The following GFRAL variants were observed in gnomAD, a reference collection of about 807,000 sequenced individuals.
GFRAL encodes the protein GDNF family receptor alpha-like.
Under a neutral mutation model 45.4 loss-of-function variants are expected in GFRAL, and 36 were observed. The observed-to-expected ratio is 0.79, with a 90% confidence interval of 0.61 to 1.05. The LOEUF (loss-of-function observed/expected upper bound fraction) is 1.05. GFRAL is among the 50% of genes least tolerant of loss of function. The probability of loss-of-function intolerance (pLI) is 0.00; values close to 1 mark genes in which losing one functional copy is unlikely to be tolerated. For synonymous variants in GFRAL, 166 were observed against 154.1 expected, an observed-to-expected ratio of 1.08 and a Z score of -0.57; for missense variants, 507 against 467.5, an observed-to-expected ratio of 1.08 and a Z score of -0.78.
At chr6:55,369,027 G>A (rs1023185790) in intron 6 of GFRAL, among the ~76,000 whole-genome samples, 3 of 151,890 alleles carry the variant, frequency 2.0e-5, no homozygotes, top group African/African-American at 4.8e-5. Flanking sequence ...AATGGCGGGC[G>A]CCCCTACCCC....
At chr6:55,395,175 A>AAAAAAAATATATAT in intron 6 of GFRAL, among the ~76,000 whole-genome samples, 15 of 123,510 alleles carry the variant, frequency 1.2e-4, no homozygotes, top group African/African-American at 4.8e-4. Flanking sequence ...AAAAAAAAAA[A>AAAAAAAATATATAT]ATATATATAT....
chr6:55,349,959 A>T (rs113056008), intron 3 of GFRAL, 133 bp from the exon 4 acceptor site: 6 of 659,150 alleles, frequency 9.1e-6, no homozygotes, highest in Non-Finnish European at 1.4e-5. Context: ...GGCTAAATAC[A>T]TGTTACATAA....
rs7751535 is a variant in GFRAL, at chr6:55,346,988, C to T, written c.317-3104C>T. Among the ~76,000 whole-genome samples the T allele has an allele frequency of 6.3e-3, 951 of 152,064 alleles. 9 individuals carry two copies. The highest frequency in any genetic ancestry group is 0.022 in the African/African-American group (916 of 41,472). ...GATGCTAGTTAAGTTGATAGTGTGA[C>T]TTTTCTGTGAGAAAACAAAACAGTA... is the stretch of plus-strand genomic sequence containing the variant. On this transcript the variant is annotated intron_variant, in intron 3 of 8. Coordinates refer to ENST00000340465, the MANE Select transcript of GFRAL (RefSeq NM_207410.2).
At chr6:55,348,035 T>G (rs6900362) in intron 3 of GFRAL, among the ~76,000 whole-genome samples, 73,902 of 151,980 alleles carry the variant, frequency 0.49, 19,377 homozygotes, top group Non-Finnish European at 0.61. Context: ...AAAGAAGATG[T>G]ATGGAAGTAC....
chr6:55,396,632 A>T (rs1768828299), intron 6 of GFRAL, among the ~76,000 whole-genome samples: 1 of 152,100 alleles, frequency 6.6e-6, no homozygotes. Flanking sequence ...TTAAATACAC[A>T]ATTTTATTGT....
At chr6:55,364,777 T>C (rs1768335374) in intron 6 of GFRAL, among the ~76,000 whole-genome samples, 1 of 151,840 alleles carries the variant, frequency 6.6e-6, no homozygotes. Flanking sequence ...CTGAGGGCTC[T>C]GTTCTGTTCC....
At chr6:55,337,280 C>T (rs927333201) in intron 3 of GFRAL, among the ~76,000 whole-genome samples, 2 of 152,042 alleles carry the variant, frequency 1.3e-5, no homozygotes, top group South Asian at 4.1e-4. Flanking sequence ...TCTGTTCAAT[C>T]ATGGTGTATT....
At chr6:55,389,926 G>T (rs77583381) in intron 6 of GFRAL, among the ~76,000 whole-genome samples, 2 of 152,226 alleles carry the variant, frequency 1.3e-5, no homozygotes, top group Admixed American at 1.3e-4. Flanking sequence ...TCTCAGTAGA[G>T]ATAATGATGC....
At chr6:55,384,473 C>CTG (rs1768654512) in intron 6 of GFRAL, among the ~76,000 whole-genome samples, 1 of 150,624 alleles carries the variant, frequency 6.6e-6, no homozygotes, top group Non-Finnish European at 1.5e-5. Context: ...CACAATTCTA[C>CTG]TGTTTACATT....
intron 6 of GFRAL, among the ~76,000 whole-genome samples, chr6:55,368,194 A>G (rs1768392942): frequency 6.6e-6 from 1 of 151,506 alleles, no homozygotes; most frequent in Non-Finnish European, 1.5e-5. Flanking sequence ...CATTCATTTC[A>G]TCTTCCATCG....
intron 6 of GFRAL, among the ~76,000 whole-genome samples, chr6:55,368,816 C>G (rs998674423): frequency 6.6e-6 from 1 of 152,188 alleles, no homozygotes; most frequent in Admixed American, 6.5e-5. Context: ...TCTGCAGCTG[C>G]GTGCTGGGGG....
At chr6:55,373,044 C>G (rs11969679) in intron 6 of GFRAL, among the ~76,000 whole-genome samples, 17,870 of 151,568 alleles carry the variant, frequency 0.12, 1,629 homozygotes, top group East Asian at 0.36. Flanking sequence ...ACACCCAAAC[C>G]CCCACTATAA....
intron 6 of GFRAL, among the ~76,000 whole-genome samples, chr6:55,364,291 T>C (rs1768323419): frequency 2.6e-5 from 4 of 151,422 alleles, no homozygotes; most frequent in African/African-American, 7.3e-5. Context: ...GATTGTTTGT[T>C]TTTTTCTTGT....
At chr6:55,348,584 T>C (rs983020709) in intron 3 of GFRAL, among the ~76,000 whole-genome samples, 1 of 152,100 alleles carries the variant, frequency 6.6e-6, no homozygotes, top group Non-Finnish European at 1.5e-5. Flanking sequence ...AGCTTGTAGA[T>C]AGCCAGCCAC....
intron 5 of GFRAL, among the ~76,000 whole-genome samples, chr6:55,353,277 A>G (rs1371385743): frequency 2.0e-5 from 3 of 152,068 alleles, no homozygotes; most frequent in Non-Finnish European, 4.4e-5. Flanking sequence ...AATGATATCA[A>G]CTTCCTGAAG....
intron 6 of GFRAL, among the ~76,000 whole-genome samples, chr6:55,368,702 T>A (rs9464239): frequency 0.19 from 28,585 of 151,954 alleles, 3,049 homozygotes; most frequent in African/African-American, 0.3. Context: ...TACCCTGCCC[T>A]GTGAGGTGTC....
At chr6:55,382,833 A>C (rs1768628685) in intron 6 of GFRAL, among the ~76,000 whole-genome samples, 1 of 152,106 alleles carries the variant, frequency 6.6e-6, no homozygotes, top group East Asian at 1.9e-4. Context: ...ATTTCTAACT[A>C]AGAATGTTGG....
chr6:55,332,422 C>CT (rs982417630), intron 2 of GFRAL, among the ~76,000 whole-genome samples: 129 of 145,546 alleles, frequency 8.9e-4, no homozygotes, highest in South Asian at 4.3e-3. Context: ...TTTCTTTTTT[C>CT]TTTTTTTTTT....
At chr6:55,372,287 A>T (rs1490688171) in intron 6 of GFRAL, among the ~76,000 whole-genome samples, 2 of 152,116 alleles carry the variant, frequency 1.3e-5, no homozygotes, top group Non-Finnish European at 2.9e-5. Context: ...CCCCAAGGAG[A>T]TCCCATCCAT....
Sources: gnomAD v4.1 joint callset for allele counts (sites outside exome capture counted in the v4.1 genomes callset) on GRCh38, gnomAD v4.1.1 for gene constraint, MANE v1.5 for transcripts, NCBI Gene and HGNC (gene_info 2026-07-23, HGNC 2026-07-21) for gene names.